NELL1: variants seen among roughly 807,000 people sequenced by gnomAD.
NELL1 encodes the protein protein kinase C-binding protein NELL1.
Under a neutral mutation model 107.4 loss-of-function variants are expected in NELL1, and 76 were observed. The ratio of observed to expected loss-of-function variants is 0.71; its 90% CI spans 0.59 to 0.86. The LOEUF is 0.86. Among genes scored for constraint, NELL1 ranks in the 40% least tolerant of loss-of-function variants. NELL1 has a pLI of 0.00. For synonymous variants in NELL1, 353 were observed against 341.2 expected, an observed-to-expected ratio of 1.03 and a Z score of -0.38; for missense variants, 1,024 against 1,005.5, an observed-to-expected ratio of 1.02 and a Z score of -0.25.
intron 15 of NELL1, among the ~76,000 whole-genome samples, chr11:21,448,251 A>G (rs957942887): frequency 6.6e-6 from 1 of 152,152 alleles, no homozygotes; most frequent in African/African-American, 2.4e-5. Context: ...GGGGAGGACT[A>G]TCAGTGGAGA....
intron 13 of NELL1, among the ~76,000 whole-genome samples, chr11:21,216,360 C>T (rs139612006): frequency 1.3e-3 from 196 of 152,324 alleles, no homozygotes; most frequent in African/African-American, 4.4e-3. Flanking sequence ...ACGGAGTCCT[C>T]ACTGGGGTAC....
chr11:20,842,421 C>T (rs991335181), intron 3 of NELL1, among the ~76,000 whole-genome samples: 5 of 151,592 alleles, frequency 3.3e-5, no homozygotes, highest in African/African-American at 1.2e-4. Context: ...CATTTCTTTC[C>T]AGAGTGATGA....
intron 15 of NELL1, among the ~76,000 whole-genome samples, chr11:21,482,712 C>T (rs986863310): frequency 2.7e-5 from 4 of 150,560 alleles, no homozygotes; most frequent in African/African-American, 9.8e-5. Context: ...CTCAGTGGCC[C>T]TCAATCATGG....
At position 20,801,320 on chromosome 11, in the gene NELL1, C is replaced by T. The variant is rs531511299; in HGVS notation, c.335+17490C>T. Among the ~76,000 whole-genome samples the T allele has an allele frequency of 1.6e-4, 24 of 152,304 alleles. No individual in the cohort carries two copies. The South Asian group carries it at 4.8e-3, about 30-fold the overall frequency. On this transcript the variant is annotated intron_variant, in intron 3 of 19. Transcript: ENST00000357134. ...CCTGTAGCCACTGAAGATTTTGACT[C>T]CCTCTCAAGGTTATACAGATACAAA...
intron 2 of NELL1, among the ~76,000 whole-genome samples, chr11:20,729,320 C>G (rs1314609200): frequency 6.6e-6 from 1 of 152,136 alleles, no homozygotes; most frequent in African/African-American, 2.4e-5. Context: ...TCTGATTGCT[C>G]TAGCTAGCAC....
chr11:20,782,054 T>A (rs888727738), intron 2 of NELL1, among the ~76,000 whole-genome samples: 46 of 147,100 alleles, frequency 3.1e-4, no homozygotes, highest in African/African-American at 4.1e-4. Flanking sequence ...AAAAAAAAAA[T>A]AATAATGATA....
intron 12 of NELL1, among the ~76,000 whole-genome samples, chr11:21,023,879 AT>A (rs888150300): frequency 1.3e-5 from 2 of 152,012 alleles, no homozygotes; most frequent in Admixed American, 1.3e-4. Context: ...AGTGTACCAT[AT>A]TTTACTTTTT....
At chr11:21,194,685 G>A (rs1007386045) in intron 13 of NELL1, among the ~76,000 whole-genome samples, 2 of 152,090 alleles carry the variant, frequency 1.3e-5, no homozygotes, top group African/African-American at 2.4e-5. Flanking sequence ...CAACTTTTTA[G>A]GGGTAAGGCC....
intron 15 of NELL1, among the ~76,000 whole-genome samples, chr11:21,461,534 G>T (rs10833541): frequency 6.6e-6 from 1 of 151,782 alleles, no homozygotes. Context: ...TCCCATTGTT[G>T]GTCGGTCAGA....
rs996940401 is a variant in NELL1 at position 21,190,485 on chromosome 11, A to G, written c.1427-38847A>G. On this transcript the variant is annotated intron_variant, in intron 13 of 19. Coordinates refer to ENST00000357134, the MANE Select transcript of NELL1 (RefSeq NM_006157.5). Reference sequence around the variant, plus strand: ...ATAGTCTGGTATTTGTTTTAGTTCCAAGGGATAGGAACTGACCCTAGATTG... The same window carrying G: ...ATAGTCTGGTATTTGTTTTAGTTCCGAGGGATAGGAACTGACCCTAGATTG... Among the ~76,000 whole-genome samples, 8 of 151,996 alleles carry G rather than the reference A, an allele frequency of 5.3e-5. No homozygotes were observed. The South Asian group carries it at 1.0e-3, about 20-fold the overall frequency.
intron 2 of NELL1, among the ~76,000 whole-genome samples, chr11:20,756,653 A>T (rs925077201): frequency 7.3e-6 from 1 of 137,026 alleles, no homozygotes; most frequent in Non-Finnish European, 1.6e-5. Flanking sequence ...GAGCCACCAC[A>T]CCAGGCCAGA....
At chr11:21,039,447 A>T (rs975111133) in intron 12 of NELL1, among the ~76,000 whole-genome samples, 2 of 152,122 alleles carry the variant, frequency 1.3e-5, no homozygotes, top group African/African-American at 4.8e-5. Context: ...TGGCCTCCCA[A>T]AGTGCTGGGA....
rs188689425 is a variant in NELL1 at position 21,286,812 on chromosome 11, T to C, written c.1549+57358T>C. On this transcript the variant is annotated intron_variant, in intron 14 of 19. Coordinates refer to ENST00000357134, the MANE Select transcript of NELL1 (RefSeq NM_006157.5). ...TCTCTAGGGTAAGCTCCACGTGTTT[T>C]CTTTCCTTGTCCTTTGTAGTCTGTA... is the stretch of plus-strand genomic sequence containing the variant. Among the ~76,000 whole-genome samples, 182 of 152,374 alleles carry C rather than the reference T, an allele frequency of 1.2e-3. 1 individual carries two copies. Among genetic ancestry groups the C allele is most frequent in the African/African-American group, 4.2e-3 (173 of 41,590 alleles).
rs756347365 is a variant in NELL1, at chr11:21,226,922, G to T, written c.1427-2410G>T. 3.3e-5 allele frequency among the ~76,000 whole-genome samples: 5 copies of T among 152,188 alleles called. No homozygotes were observed. The East Asian group carries it at 9.7e-4, about 29-fold the overall frequency. On this transcript the variant is annotated intron_variant, in intron 13 of 19. Transcript: ENST00000357134. ...GTATTGTGGGTCAACGAAACAACAT[G>T]AAAAACTAGAGAGGTAGAAACAAAC...
rs149473408 is a variant in NELL1, at chr11:21,233,000, G to A, written c.1549+3546G>A. ...AAATATAGAAAAGCTTTTCTAGGCA[G>A]ACATGGTATTGTTCATAGACTTGAC... On this transcript the variant is annotated intron_variant, in intron 14 of 19. Transcript: ENST00000357134. 2.0e-5 allele frequency among the ~76,000 whole-genome samples: 3 copies of A among 152,308 alleles called. No individual in the cohort carries two copies. In the East Asian group the frequency reaches 5.8e-4, roughly 29 times the overall value.
At chr11:21,443,315 A>T (rs898765270) in intron 15 of NELL1, among the ~76,000 whole-genome samples, 1 of 152,098 alleles carries the variant, frequency 6.6e-6, no homozygotes, top group Non-Finnish European at 1.5e-5. Context: ...TGAAGATCCC[A>T]CCTCTGTTGC....
At chr11:20,704,877 CAGAG>C (rs1361620006) in intron 2 of NELL1, among the ~76,000 whole-genome samples, 1 of 152,140 alleles carries the variant, frequency 6.6e-6, no homozygotes, top group Non-Finnish European at 1.5e-5. Context: ...AACAGACAAA[CAGAG>C]AGCCAAATCA....
rs537891506 is a variant in NELL1, at chr11:21,269,741, A to G, written c.1549+40287A>G. On this transcript the variant is annotated intron_variant, in intron 14 of 19. Coordinates refer to ENST00000357134, the MANE Select transcript of NELL1 (RefSeq NM_006157.5). The stretch of plus-strand genomic sequence containing the variant: ...GTTCAAATCATGGATCTACATAAAG[A>G]AAGAAAGAGCATCAGCGAAAGAATT... Among the ~76,000 whole-genome samples, 7 of 151,890 alleles carry G rather than the reference A, an allele frequency of 4.6e-5. No homozygotes were observed. The East Asian group carries it at 1.4e-3, about 29-fold the overall frequency.
chr11:21,426,738 A>C (rs143034286), intron 15 of NELL1, among the ~76,000 whole-genome samples: 96 of 152,322 alleles, frequency 6.3e-4, no homozygotes, highest in African/African-American at 2.2e-3. Context: ...GCAGTCAGAA[A>C]AAAATGAGCT....
Sources: allele counts gnomAD v4.1 joint callset (sites outside exome capture counted in the v4.1 genomes callset), GRCh38; gene constraint gnomAD v4.1.1; transcripts MANE v1.5; gene names NCBI Gene and HGNC (gene_info 2026-07-23, HGNC 2026-07-21).